The following SLC44A2 variants were observed in gnomAD, a reference collection of about 807,000 sequenced individuals.
SLC44A2 encodes the protein solute carrier family 44 member 2 (CTL2 blood group), also known as choline transporter-like protein 2.
SLC44A2 carries 57 observed loss-of-function variants against 90.8 expected under a neutral mutation model. The ratio of observed to expected loss-of-function variants is 0.63; its 90% CI spans 0.51 to 0.78. SLC44A2 has a LOEUF of 0.78. SLC44A2 is among the 30% of genes least tolerant of loss of function. The probability of loss-of-function intolerance (pLI) is 0.00; values close to 1 mark genes in which losing one functional copy is unlikely to be tolerated. For synonymous variants in SLC44A2, 355 were observed against 360.7 expected (o/e 0.98, Z 0.18); for missense variants, 794 against 919.7 (o/e 0.86, Z 1.77).
intron 1 of SLC44A2, among the ~76,000 whole-genome samples, chr19:10,612,805 A>G (rs970412756): frequency 3.3e-5 from 5 of 152,190 alleles, no homozygotes; most frequent in African/African-American, 1.2e-4. Flanking sequence ...GCCTCTCCCA[A>G]TCCTGGCCTT....
chr19:10,605,869 C>T lies in SLC44A2; in HGVS notation c.31+3308C>T, dbSNP rs146543091. ...ATTAGCCAAGCATGGTGGTGCACAT[C>T]TGTAATCCCAGCTACTTGGGAGGCT... On this transcript the variant is annotated intron_variant, in intron 1 of 21. Transcript: ENST00000407327. Among the ~76,000 whole-genome samples, 1,457 of 152,176 alleles carry T rather than the reference C, an allele frequency of 9.6e-3. 28 individuals carry two copies. Among genetic ancestry groups the T allele is most frequent in the African/African-American group, 0.034 (1,391 of 41,516 alleles).
At chr19:10,614,995 G>C (rs919193749) in intron 1 of SLC44A2, among the ~76,000 whole-genome samples, 4 of 139,906 alleles carry the variant, frequency 2.9e-5, no homozygotes, top group Non-Finnish European at 6.2e-5. Context: ...AAAAGAAGAA[G>C]AAAAGAAAAG....
intron 10 of SLC44A2, among the ~76,000 whole-genome samples, chr19:10,632,949 G>A (rs1324315217): frequency 6.6e-6 from 1 of 151,998 alleles, no homozygotes; most frequent in Non-Finnish European, 1.5e-5. Flanking sequence ...TAGGATTACA[G>A]GCAGGAGCCA....
chr19:10,624,709 G>C (rs1303241621), upstream of SLC44A2, among the ~76,000 whole-genome samples: 2 of 152,242 alleles, frequency 1.3e-5, no homozygotes, highest in African/African-American at 4.8e-5. Flanking sequence ...TTCAGAGGGT[G>C]CAGAAGGAGC....
chr19:10,610,498 A>AT (rs1296615028), intron 1 of SLC44A2, among the ~76,000 whole-genome samples: 1 of 146,312 alleles, frequency 6.8e-6, no homozygotes, highest in Admixed American at 6.9e-5. Context: ...TGCCCGGCTG[A>AT]TTTTTTTGTA....
chr19:10,633,647 G>A (rs1159541310), intron 10 of SLC44A2, among the ~76,000 whole-genome samples: 3 of 152,096 alleles, frequency 2.0e-5, no homozygotes, highest in Admixed American at 6.6e-5. Context: ...TGTAGAGACA[G>A]GTTCTCCCTA....
chr19:10,643,400 C>T lies in SLC44A2; in HGVS notation c.*15C>T. On this transcript the variant is annotated 3_prime_UTR_variant, in exon 22 of 22. Coordinates refer to ENST00000335757, the MANE Select transcript of SLC44A2 (RefSeq NM_020428.4). ...CGGAGTCCTGAAGGCCCCGTGCTCC[C>T]CACCTCTCAAGGAGTCTCATGCCGC... 1 of 1,601,266 alleles carries T rather than the reference C, an allele frequency of 6.2e-7. No homozygotes were observed. The highest frequency in any genetic ancestry group is 8.5e-7 in the Non-Finnish European group (1 of 1,172,626).
At position 10,625,597 on chromosome 19, in the gene SLC44A2, G is replaced by C. The variant is rs902126201; in HGVS notation, c.-37G>C. The C allele has an allele frequency of 4.0e-6, 5 of 1,242,248 alleles. No homozygotes were observed. The South Asian group carries it at 1.5e-4, about 38-fold the overall frequency. 77.0% of individuals were successfully genotyped at this position (1,242,248 alleles called of 1,614,324 possible). On this transcript the variant is annotated 5_prime_UTR_variant, in exon 1 of 22. Transcript: ENST00000335757. ...GGGAGGGTCGAGGGGGCGCGGGAGA[G>C]AGCGCGGGCGGCCGCCGGGGCTGGT...
chr19:10,636,245 C>T, intron 14 of SLC44A2, 78 bp from the exon 15 acceptor site: 2 of 1,515,920 alleles, frequency 1.3e-6, no homozygotes, highest in South Asian at 2.5e-5. Context: ...GTTTTCCTGG[C>T]CCCACACCTG....
At chr19:10,628,730 G>A (rs533486174) in intron 4 of SLC44A2, among the ~76,000 whole-genome samples, 6 of 152,270 alleles carry the variant, frequency 3.9e-5, no homozygotes, top group African/African-American at 1.4e-4. Flanking sequence ...CGCGTCAGGT[G>A]GTGATGAACA....
intron 20 of SLC44A2, 44 bp from the exon 21 acceptor site, chr19:10,642,323 T>C (rs544393089): frequency 1.9e-6 from 3 of 1,561,090 alleles, no homozygotes; most frequent in East Asian, 2.2e-5. Flanking sequence ...GGGGCTGCTC[T>C]GGGAAGGACA....
intron 20 of SLC44A2, among the ~76,000 whole-genome samples, chr19:10,639,296 C>T (rs1392077168): frequency 6.6e-6 from 1 of 152,178 alleles, no homozygotes; most frequent in African/African-American, 2.4e-5. Context: ...GGGCTTCCCT[C>T]TAAAGGCCTT....
rs3029799 is a variant in SLC44A2, at chr19:10,618,474, C to CTTTTTTTTTT, written c.32-7765_32-7756dup. On this transcript the variant is annotated intron_variant, in intron 1 of 21. Transcript: ENST00000407327. ...ACAGGTGTAAGCCACTGCGCCCGGC[C>CTTTTTTTTTT]TTTTTTTTTTTTTTTTTTTTTTTGA... is the stretch of plus-strand genomic sequence containing the variant. 6.9e-5 allele frequency among the ~76,000 whole-genome samples: 6 copies of CTTTTTTTTTT among 87,336 alleles called. 1 individual carries two copies. Among genetic ancestry groups the CTTTTTTTTTT allele is most frequent in the African/African-American group, 2.5e-4 (5 of 20,340 alleles). 57.3% of individuals were successfully genotyped at this position (87,336 alleles called of 152,430 possible). A position where few individuals can be genotyped will look rare whatever the true frequency, so the allele number is the denominator to read the frequency against.
Position 10,638,083 on chromosome 19 carries a change from T to C in SLC44A2, c.1830T>C (p.Val610=). 1.2e-6 allele frequency: 2 copies of C among 1,613,916 alleles called. No individual in the cohort carries two copies. Among genetic ancestry groups the C allele is most frequent in the Non-Finnish European group, 8.5e-7 (1 of 1,179,942 alleles). The change falls in exon 19 of 22, where the codon GTT becomes GTC. Residue 610 remains valine, a synonymous_variant. Coordinates refer to ENST00000335757, the MANE Select transcript of SLC44A2 (RefSeq NM_020428.4). ...FLFLLGKLLI[V]GSVGILAFFF... is the part of the protein sequence containing the mutation. ...TCCTGTTGGGCAAACTTCTGATCGT[T>C]GGTAGTGTGGGTGAGTGCCGCCCAC...
rs11544831 is a variant in SLC44A2, at chr19:10,636,497, G to C, written c.1408G>C (p.Gly470Arg). Residue 470 changes from glycine (G) to arginine (R), a missense_variant, in exon 15 of 22, where the codon GGG becomes CGG. This residue lies in a region of SLC44A2 where 738 missense variants were observed against 841.1 expected (regional missense o/e 0.88). Coordinates refer to ENST00000335757, the MANE Select transcript of SLC44A2 (RefSeq NM_020428.4). Reference protein sequence around the residue: ...VLALGQVTLAGAFASYYWALR... With the variant: ...VLALGQVTLARAFASYYWALR... ...GGCGCTGGGCCAGGTCACGCTGGCC[G>C]GGGCCTTTGCCTCCTACTACTGGGC... The C allele has an allele frequency of 6.2e-7, 1 of 1,612,574 alleles. No homozygotes were observed. Among genetic ancestry groups the C allele is most frequent in the Non-Finnish European group, 8.5e-7 (1 of 1,180,014 alleles).
At chr19:10,626,225 C>A (rs1428016193) in intron 1 of SLC44A2, 28 bp from the exon 2 acceptor site, 2 of 1,601,272 alleles carry the variant, frequency 1.2e-6, no homozygotes, top group African/African-American at 1.3e-5. Flanking sequence ...TCTCCAATCC[C>A]ATCCATCTTA....
chr19:10,641,920 G>C (rs2067120391), intron 20 of SLC44A2, among the ~76,000 whole-genome samples: 1 of 152,122 alleles, frequency 6.6e-6, no homozygotes, highest in African/African-American at 2.4e-5. Context: ...CACTTTGGGA[G>C]GCTGCGAGGC....
Position 10,643,534 on chromosome 19 carries a change from G to A in SLC44A2, c.*149G>A. ...AGCCAGATCCCACCAGTTTCTGGACGTGGAGAGTCTGGGGCATCTCCTTCT... is the reference window on the plus strand; with the variant it reads ...AGCCAGATCCCACCAGTTTCTGGACATGGAGAGTCTGGGGCATCTCCTTCT... On this transcript the variant is annotated 3_prime_UTR_variant, in exon 22 of 22. Coordinates refer to ENST00000335757, the MANE Select transcript of SLC44A2 (RefSeq NM_020428.4). 8 of 948,286 alleles carry A rather than the reference G, an allele frequency of 8.4e-6. No homozygotes were observed. Among genetic ancestry groups the A allele is most frequent in the South Asian group, 7.4e-5 (4 of 53,974 alleles). The allele number at this position is 948,286 out of a possible 1,614,324, so 58.7% of individuals were successfully genotyped here.
Position 10,634,812 on chromosome 19 carries a change from G to A in SLC44A2, c.880G>A (p.Val294Ile). 1.2e-6 allele frequency: 2 copies of A among 1,614,166 alleles called. No homozygotes were observed. Among genetic ancestry groups the A allele is most frequent in the Non-Finnish European group, 1.7e-6 (2 of 1,180,046 alleles). Residue 294 changes from valine (V) to isoleucine (I), a missense_variant, in exon 11 of 22, where the codon GTC becomes ATC. Transcript: ENST00000335757. ...ACTGCGTGGTGAGGCCGGCTCTGAT[G>A]TCTCTTTGGTGGACCTCGGCTTTCA... Reference protein sequence around the residue: ...SRLRGEAGSDVSLVDLGFQTD... With the variant: ...SRLRGEAGSDISLVDLGFQTD...
Sources: gnomAD v4.1 joint callset for allele counts (sites outside exome capture counted in the v4.1 genomes callset) on GRCh38, gnomAD v4.1.1 for gene constraint, gnomAD v4.1.1 regional missense constraint, MANE v1.5 for transcripts, NCBI Gene and HGNC (gene_info 2026-07-23, HGNC 2026-07-21) for gene names.